REPS2: variants seen among roughly 807,000 people sequenced by gnomAD.
REPS2 encodes RALBP1 associated Eps domain containing 2.
A neutral mutation model predicts 53.6 loss-of-function variants in REPS2; 23 were observed. That is an observed-to-expected ratio of 0.43 (90% CI 0.31 to 0.61). The LOEUF is 0.61. REPS2 is among the 20% of genes least tolerant of loss of function. The pLI, the probability that REPS2 is intolerant of heterozygous loss-of-function variation, is 0.11. For synonymous variants in REPS2, 238 were observed against 218.6 expected, an observed-to-expected ratio of 1.09 and a Z score of -0.78; for missense variants, 446 against 534.9, an observed-to-expected ratio of 0.83 and a Z score of 1.64.
At chrX:17,026,313 A>G (rs765172830) in intron 4 of REPS2, among the ~76,000 whole-genome samples, 7 of 111,796 alleles carry the variant, frequency 6.3e-5, no homozygotes, top group South Asian at 3.8e-4. Flanking sequence ...ATGCAAGATG[A>G]TGTTGCTAAT....
chrX:17,030,354 T>A, intron 5 of REPS2, among the ~76,000 whole-genome samples: 1 of 108,711 alleles, frequency 9.2e-6, no homozygotes, highest in Admixed American at 1.0e-4. Flanking sequence ...CACGCGCGGG[T>A]GTGCAGGTTT....
intron 14 of REPS2, among the ~76,000 whole-genome samples, chrX:17,115,932 C>T (rs1028748007): frequency 8.9e-6 from 1 of 111,808 alleles, no homozygotes; most frequent in Non-Finnish European, 1.9e-5. Context: ...CTACTTCTTT[C>T]GACACAGACA....
intron 7 of REPS2, among the ~76,000 whole-genome samples, chrX:17,054,297 CA>C (rs1459471624): frequency 8.9e-5 from 10 of 112,671 alleles, no homozygotes; most frequent in Non-Finnish European, 1.9e-4. Context: ...CAGTTTGGTA[CA>C]AAAATTTACG....
intron 1 of REPS2, among the ~76,000 whole-genome samples, chrX:16,961,116 G>T (rs781483985): frequency 1.8e-5 from 2 of 111,494 alleles, no homozygotes; most frequent in East Asian, 5.7e-4. Context: ...AATTCATATG[G>T]TGTGACAAAA....
chrX:17,065,475 A>T (rs769472891), intron 9 of REPS2, among the ~76,000 whole-genome samples: 1 of 112,908 alleles, frequency 8.9e-6, no homozygotes, highest in South Asian at 3.6e-4. Flanking sequence ...TGTCTATTGA[A>T]TTGTAAGTGT....
At chrX:17,007,640 A>C (rs1271383753) in intron 2 of REPS2, among the ~76,000 whole-genome samples, 1 of 111,964 alleles carries the variant, frequency 8.9e-6, no homozygotes, top group Non-Finnish European at 1.9e-5. Flanking sequence ...CCCAGACATG[A>C]CTGAAGTTAT....
In REPS2 at chrX:17,138,892, T is replaced by C; in HGVS notation, c.1845T>C (p.Ala615=). 1 of 1,205,999 alleles carries C rather than the reference T, an allele frequency of 8.3e-7. No individual in the cohort carries two copies. The highest frequency in any genetic ancestry group is 1.1e-6 in the Non-Finnish European group (1 of 892,976). ...SSKQKKAIQT[A]IRKNKEANAV... ...AACAGAAGAAGGCCATTCAAACTGC[T>C]ATCCGCAAAAATAAAGAGGCAAACG... The change falls in exon 17 of 18, where the codon GCT becomes GCC. Residue 615 remains alanine (A), a synonymous_variant. Coordinates refer to ENST00000357277, the MANE Select transcript of REPS2 (RefSeq NM_004726.3).
rs2063572572 is a variant in REPS2, at chrX:17,151,889, T to C, written c.*4408T>C. The C allele has an allele frequency of 9.1e-6, 1 of 109,523 alleles. No individual in the cohort carries two copies. Among genetic ancestry groups the C allele is most frequent in the African/African-American group, 3.3e-5 (1 of 30,011 alleles). 9.0% of individuals were successfully genotyped at this position (109,523 alleles called of 1,213,427 possible). A position where few individuals can be genotyped will look rare whatever the true frequency, so the allele number is the denominator to read the frequency against. ...TTTTGTTACTTTTTTTTTTTTTGTA[T>C]CATGACTCAGTATGGTTCAATTTCC... On this transcript the variant is annotated 3_prime_UTR_variant, in exon 18 of 18. Coordinates refer to ENST00000357277, the MANE Select transcript of REPS2 (RefSeq NM_004726.3).
intron 17 of REPS2, among the ~76,000 whole-genome samples, chrX:17,141,720 G>A (rs2063449327): frequency 8.9e-6 from 1 of 112,135 alleles, no homozygotes; most frequent in African/African-American, 3.2e-5. Context: ...GCCCTGTAGT[G>A]ATATAGTTTT....
In REPS2 at chrX:17,151,992, G is replaced by T. The variant is rs759400501; in HGVS notation, c.*4511G>T. Reference sequence around the variant, plus strand: ...TCCTCCTTCAGCACAAGCTAGGGGAGATCCTACCAACACTGATAGGTCAGT... The same window carrying T: ...TCCTCCTTCAGCACAAGCTAGGGGATATCCTACCAACACTGATAGGTCAGT... On this transcript the variant is annotated 3_prime_UTR_variant, in exon 18 of 18. Coordinates refer to ENST00000357277, the MANE Select transcript of REPS2 (RefSeq NM_004726.3). The T allele has an allele frequency of 2.7e-5, 3 of 110,635 alleles. No homozygotes were observed. The East Asian group carries it at 8.5e-4, about 31-fold the overall frequency. The allele number at this position is 110,635 out of a possible 1,213,427, so 9.1% of individuals were successfully genotyped here. A position where few individuals can be genotyped will look rare whatever the true frequency, so the allele number is the denominator to read the frequency against.
chrX:17,134,892 G>A (rs1237125640), intron 15 of REPS2, among the ~76,000 whole-genome samples: 2 of 111,042 alleles, frequency 1.8e-5, no homozygotes, highest in African/African-American at 3.3e-5. Context: ...AAAGTGCTGG[G>A]ATTACAGGCA....
chrX:17,085,594 A>G (rs2062522686), intron 13 of REPS2, among the ~76,000 whole-genome samples: 1 of 112,191 alleles, frequency 8.9e-6, no homozygotes, highest in Non-Finnish European at 1.9e-5. Flanking sequence ...TCTTTTGTTA[A>G]ATGTATTCCT....
intron 1 of REPS2, among the ~76,000 whole-genome samples, chrX:16,998,783 T>C (rs749346329): frequency 3.6e-5 from 4 of 111,941 alleles, no homozygotes; most frequent in Non-Finnish European, 5.6e-5. Context: ...GTATTTGACT[T>C]GACTGCAACT....
chrX:17,193,071 GCATGTCC>G, the REPS2 span, among the ~76,000 whole-genome samples: 1 of 112,487 alleles, frequency 8.9e-6, no homozygotes, highest in Admixed American at 9.4e-5. Flanking sequence ...AACATTTTGT[GCATGTCC>G]CTTGGTGGGC....
chrX:17,166,568 G>T, the REPS2 span, among the ~76,000 whole-genome samples: 1 of 112,077 alleles, frequency 8.9e-6, no homozygotes. Context: ...AAAGTTTATA[G>T]AAAAACGAAT....
At chrX:17,103,657 A>C in intron 13 of REPS2, 61 bp from the exon 14 acceptor site, 1 of 1,068,695 alleles carries the variant, frequency 9.4e-7, no homozygotes, top group Non-Finnish European at 1.3e-6. Flanking sequence ...AACAAGCATA[A>C]GAGTTTTTTG....
intron 2 of REPS2, among the ~76,000 whole-genome samples, chrX:17,016,062 C>T (rs1243930645): frequency 8.9e-6 from 1 of 111,909 alleles, no homozygotes; most frequent in East Asian, 2.8e-4. Context: ...TCCACATCCT[C>T]TCCAGCATCT....
At chrX:17,101,404 G>A (rs1375023736) in intron 13 of REPS2, among the ~76,000 whole-genome samples, 1 of 110,964 alleles carries the variant, frequency 9.0e-6, no homozygotes, top group Non-Finnish European at 1.9e-5. Context: ...ATGAACAACG[G>A]ACACATACCT....
chrX:17,053,954 C>G (rs2062034238), intron 7 of REPS2, among the ~76,000 whole-genome samples: 1 of 111,921 alleles, frequency 8.9e-6, no homozygotes, highest in Non-Finnish European at 1.9e-5. Context: ...AATAGTAATA[C>G]CTTTCTAGAA....
Sources: allele counts gnomAD v4.1 joint callset (sites outside exome capture counted in the v4.1 genomes callset), GRCh38; gene constraint gnomAD v4.1.1; transcripts MANE v1.5; gene names NCBI Gene and HGNC (gene_info 2026-07-23, HGNC 2026-07-21).